ADAM10: variants seen among roughly 807,000 people sequenced by gnomAD.
The protein encoded by ADAM10 is disintegrin and metalloproteinase domain-containing protein 10.
ADAM10 carries 17 observed loss-of-function variants against 90.1 expected under a neutral mutation model. That is an observed-to-expected ratio of 0.19 (90% CI 0.13 to 0.28). The LOEUF is 0.28. ADAM10 is among the 10% of genes least tolerant of loss of function. The pLI is 1.00. For synonymous variants in ADAM10, 310 were observed against 298.6 expected (o/e 1.04, Z -0.40); for missense variants, 610 against 914.3 (o/e 0.67, Z 4.29).
chr15:58,692,091 C>T (rs1400436728), intron 2 of ADAM10: 11 of 482,696 alleles, frequency 2.3e-5, no homozygotes, highest in Admixed American at 1.6e-4. Flanking sequence ...CGGACAAAGC[C>T]GACATACTCT....
At chr15:58,714,288 C>CAT (rs1898578095) in intron 2 of ADAM10, among the ~76,000 whole-genome samples, 1 of 101,234 alleles carries the variant, frequency 9.9e-6, no homozygotes, top group Admixed American at 1.3e-4. Context: ...CTTATACATA[C>CAT]ACATACACAC....
At chr15:58,614,863 C>T (rs1263917404) in intron 11 of ADAM10, among the ~76,000 whole-genome samples, 1 of 152,142 alleles carries the variant, frequency 6.6e-6, no homozygotes, top group Non-Finnish European at 1.5e-5. Context: ...CAATACAGGC[C>T]ACTGTGATAT....
chr15:58,597,181 ATATT>A lies in ADAM10; in HGVS notation c.*362_*365del. ...GCCTTGATTGGCAGTTGAAAAAAAT[ATATT>A]TATTTCAATTTGTGGTAAAAGTTTA... On this transcript the variant is annotated 3_prime_UTR_variant, in exon 16 of 16. Coordinates refer to ENST00000260408, the MANE Select transcript of ADAM10 (RefSeq NM_001110.4). The A allele has an allele frequency of 1.8e-6, 1 of 568,886 alleles. No individual in the cohort carries two copies. The allele number at this position is 568,886 out of a possible 1,614,324, so 35.2% of individuals were successfully genotyped here.
chr15:58,650,321 A>C (rs1896653644), intron 5 of ADAM10, among the ~76,000 whole-genome samples: 1 of 152,160 alleles, frequency 6.6e-6, no homozygotes, highest in Admixed American at 6.5e-5. Flanking sequence ...ACCTTTCTCA[A>C]AAGATTTACT....
chr15:58,650,556 G>C lies in ADAM10; in HGVS notation c.586-4352C>G, dbSNP rs577904981. 3.9e-4 allele frequency among the ~76,000 whole-genome samples: 59 copies of C among 152,222 alleles called. 1 individual carries two copies. Among genetic ancestry groups the C allele is most frequent in the African/African-American group, 1.4e-3 (57 of 41,544 alleles). On this transcript the variant is annotated intron_variant, in intron 5 of 15. Coordinates refer to ENST00000260408, the MANE Select transcript of ADAM10 (RefSeq NM_001110.4). Reference sequence around the variant, plus strand: ...TTTTCATCCTCAGCCTCATGTGTCTGCACAGTTCTACTCTCCCTCTCAGTC... The same window carrying C: ...TTTTCATCCTCAGCCTCATGTGTCTCCACAGTTCTACTCTCCCTCTCAGTC...
chr15:58,741,431 T>C (rs1899611500), intron 1 of ADAM10, among the ~76,000 whole-genome samples: 1 of 152,188 alleles, frequency 6.6e-6, no homozygotes, highest in African/African-American at 2.4e-5. Context: ...CCCAAATAAC[T>C]AGCCAGAGAT....
Position 58,643,921 on chromosome 15 carries a change from T to C in ADAM10, c.793A>G (p.Ile265Val), listed in dbSNP as rs1264319813. Reference sequence around the variant, plus strand: ...TTCACCATGAAACTGATGTTACGGATTCCGGAGAAGTCTGTGGTCTGGTAA... The same window carrying C: ...TTCACCATGAAACTGATGTTACGGACTCCGGAGAAGTCTGTGGTCTGGTAA... The part of the protein sequence containing the change: ...TIYQTTDFSG[I>V]RNISFMVKRI... The change falls in exon 7 of 16, where the codon ATC becomes GTC. Residue 265 changes from isoleucine to valine, a missense_variant. Ile to Val is a conservative substitution (Grantham distance 29). This residue lies in a region of ADAM10 where 310 missense variants were observed against 362.4 expected (regional missense o/e 0.86). Coordinates refer to ENST00000260408, the MANE Select transcript of ADAM10 (RefSeq NM_001110.4). 2 of 1,613,680 alleles carry C rather than the reference T, an allele frequency of 1.2e-6. No individual in the cohort carries two copies.
chr15:58,730,903 CAG>C (rs1899214075), intron 1 of ADAM10, among the ~76,000 whole-genome samples: 1 of 152,208 alleles, frequency 6.6e-6, no homozygotes, highest in Non-Finnish European at 1.5e-5. Context: ...CAGCCTCAGA[CAG>C]AGTTAAAATA....
chr15:58,735,499 C>T (rs565478550), intron 1 of ADAM10, among the ~76,000 whole-genome samples: 108 of 152,228 alleles, frequency 7.1e-4, no homozygotes, highest in African/African-American at 2.5e-3. Context: ...GACAAAATGA[C>T]GCGGTATTTG....
intron 10 of ADAM10, among the ~76,000 whole-genome samples, chr15:58,623,281 G>A (rs1219766299): frequency 6.6e-6 from 1 of 152,178 alleles, no homozygotes; most frequent in Non-Finnish European, 1.5e-5. Context: ...CTGGGACAAA[G>A]CCACTTGGCA....
intron 5 of ADAM10, among the ~76,000 whole-genome samples, chr15:58,655,799 T>C (rs1896815657): frequency 7.6e-6 from 1 of 131,178 alleles, no homozygotes. Flanking sequence ...CAGACTGGAG[T>C]GCAGTGGCCG....
chr15:58,602,278 T>C (rs1421956874), intron 14 of ADAM10, among the ~76,000 whole-genome samples: 24 of 152,326 alleles, frequency 1.6e-4, no homozygotes, highest in African/African-American at 5.5e-4. Flanking sequence ...TACCCCAGCC[T>C]TGGAACCTGC....
At chr15:58,629,667 A>T (rs1177737569) in intron 9 of ADAM10, among the ~76,000 whole-genome samples, 1 of 152,220 alleles carries the variant, frequency 6.6e-6, no homozygotes, top group Non-Finnish European at 1.5e-5. Flanking sequence ...ATTCAATCAT[A>T]ATCTACCATG....
chr15:58,590,810 G>C lies in ADAM10; in HGVS notation c.*6737C>G, dbSNP rs181920499. 6.6e-6 allele frequency: 1 copy of C among 152,172 alleles called. No individual in the cohort carries two copies. Among genetic ancestry groups the C allele is most frequent in the East Asian group, 1.9e-4 (1 of 5,184 alleles). 9.4% of individuals were successfully genotyped at this position (152,172 alleles called of 1,614,324 possible). Reference sequence around the variant, plus strand: ...TTAATGTGTTCAGTATAACCACATAGCCTTCATTTTTCCAAAATGATTTTT... The same window carrying C: ...TTAATGTGTTCAGTATAACCACATACCCTTCATTTTTCCAAAATGATTTTT... On this transcript the variant is annotated 3_prime_UTR_variant, in exon 16 of 16. Transcript: ENST00000260408.
intron 7 of ADAM10, among the ~76,000 whole-genome samples, chr15:58,641,237 A>ATTTTTT (rs1896409359): frequency 6.6e-6 from 1 of 152,214 alleles, no homozygotes; most frequent in Admixed American, 6.5e-5. Context: ...TGAACACTGA[A>ATTTTTT]CACTTGGGAA....
At chr15:58,622,252 C>G (rs1397796396) in intron 10 of ADAM10, among the ~76,000 whole-genome samples, 3 of 152,092 alleles carry the variant, frequency 2.0e-5, no homozygotes, top group Non-Finnish European at 4.4e-5. Flanking sequence ...TAACCATGAT[C>G]ATATCTAACA....
chr15:58,665,443 A>G (rs1460304898), intron 4 of ADAM10, among the ~76,000 whole-genome samples: 1 of 152,156 alleles, frequency 6.6e-6, no homozygotes, highest in Non-Finnish European at 1.5e-5. Flanking sequence ...GAATTCTAAA[A>G]AAGGGCAATA....
chr15:58,725,252 T>A lies in ADAM10; in HGVS notation c.56-7525A>T, dbSNP rs547502610. ...ATGAATATAAAAAATAAAAGAAAAT[T>A]AGGCATGGTAGTGCATGCCTGCAGT... is the stretch of plus-strand genomic sequence containing the variant. On this transcript the variant is annotated intron_variant, in intron 1 of 15. Transcript: ENST00000260408. Among the ~76,000 whole-genome samples the A allele has an allele frequency of 4.6e-5, 7 of 151,470 alleles. No individual in the cohort carries two copies. In the South Asian group the frequency reaches 1.0e-3, roughly 23 times the overall value.
chr15:58,707,164 C>T (rs1898327393), intron 2 of ADAM10: 2 of 151,898 alleles, frequency 1.3e-5, no homozygotes, highest in Admixed American at 1.3e-4. Context: ...CAGTAGATCA[C>T]CTGAGGTCAG....
Sources: allele counts gnomAD v4.1 joint callset (sites outside exome capture counted in the v4.1 genomes callset), GRCh38; gene constraint gnomAD v4.1.1; regional missense constraint gnomAD v4.1.1; transcripts MANE v1.5; gene names NCBI Gene and HGNC (gene_info 2026-07-23, HGNC 2026-07-21).